Variants in CPNE4 observed in about 807,000 individuals in gnomAD.
The protein encoded by CPNE4 is copine-4.
Under a neutral mutation model 67.9 loss-of-function variants are expected in CPNE4, and 25 were observed. The observed-to-expected ratio is 0.37, with a 90% CI of 0.27 to 0.51. The LOEUF is 0.51. Ranked by LOEUF, CPNE4 falls within the 20% of genes least tolerant of loss-of-function variation. The pLI, the probability that CPNE4 is intolerant of heterozygous loss-of-function variation, is 0.93. For missense variants in CPNE4, 464 were observed against 690.8 expected (o/e 0.67, Z 3.68); for synonymous variants, 242 against 244.9 (o/e 0.99, Z 0.11).
intron 11 of CPNE4, among the ~76,000 whole-genome samples, chr3:131,557,780 AC>A (rs1444975172): frequency 6.6e-6 from 1 of 151,976 alleles, no homozygotes; most frequent in Non-Finnish European, 1.5e-5. Context: ...TCCTCCTTAA[AC>A]AAAACAAGCA....
intron 6 of CPNE4, among the ~76,000 whole-genome samples, chr3:131,671,159 G>C (rs576951689): frequency 8.6e-5 from 13 of 152,038 alleles, no homozygotes; most frequent in Non-Finnish European, 1.6e-4. Context: ...CTCTTCCACC[G>C]GATTCCTTAA....
intron 2 of CPNE4, among the ~76,000 whole-genome samples, chr3:131,841,466 C>A (rs568378530): frequency 1.3e-5 from 2 of 152,312 alleles, no homozygotes; most frequent in South Asian, 4.1e-4. Flanking sequence ...AAGCATTTAG[C>A]TCTGCCTCCT....
Position 131,908,838 on chromosome 3 carries a change from A to G in CPNE4, c.-1-3394T>C, listed in dbSNP as rs2088865477. Among the ~76,000 whole-genome samples the G allele has an allele frequency of 3.3e-5, 5 of 152,236 alleles. No homozygotes were observed. In the South Asian group the frequency reaches 1.0e-3, roughly 32 times the overall value. ...CTGACCATGTATCCTTGGGCAGGGT[A>G]TTTAACGTCTCAGATGGTAATATCT... On this transcript the variant is annotated intron_variant, in intron 1 of 15. Coordinates refer to ENST00000429747, the MANE Select transcript of CPNE4 (RefSeq NM_130808.3).
intron 1 of CPNE4, among the ~76,000 whole-genome samples, chr3:131,970,975 T>C (rs1227432059): frequency 6.6e-6 from 1 of 152,206 alleles, no homozygotes; most frequent in Non-Finnish European, 1.5e-5. Flanking sequence ...AGGCCAGGAA[T>C]TTGAGAAGGA....
chr3:131,657,438 A>G (rs544875949), intron 7 of CPNE4, among the ~76,000 whole-genome samples: 2 of 152,280 alleles, frequency 1.3e-5, no homozygotes, highest in South Asian at 2.1e-4. Flanking sequence ...ACTTTTTGAA[A>G]ATTATACATT....
Position 131,668,049 on chromosome 3 carries a change from G to T in CPNE4, c.681+1626C>A, listed in dbSNP as rs990887258. Among the ~76,000 whole-genome samples, 13 of 152,258 alleles carry T rather than the reference G, an allele frequency of 8.5e-5. No individual in the cohort carries two copies. The South Asian group carries it at 1.0e-3, about 12-fold the overall frequency. ...CAAATAGCCAGGAATCCTGATTTTG[G>T]CTTGAAGGTTTCCAGTGGGGTTGAG... On this transcript the variant is annotated intron_variant, in intron 7 of 15. Coordinates refer to ENST00000429747, the MANE Select transcript of CPNE4 (RefSeq NM_130808.3).
intron 1 of CPNE4, among the ~76,000 whole-genome samples, chr3:132,007,339 C>T (rs2073636469): frequency 6.6e-6 from 1 of 152,122 alleles, no homozygotes; most frequent in Admixed American, 6.5e-5. Flanking sequence ...ACTGTTTTCT[C>T]CTATTCTCCA....
At chr3:131,756,726 G>A (rs1475013396) in intron 2 of CPNE4, among the ~76,000 whole-genome samples, 1 of 152,180 alleles carries the variant, frequency 6.6e-6, no homozygotes, top group Non-Finnish European at 1.5e-5. Flanking sequence ...GAGGCCCGGG[G>A]TTGGTAGTTG....
At chr3:132,021,067 G>T (rs371329118) in intron 1 of CPNE4, among the ~76,000 whole-genome samples, 104 of 152,268 alleles carry the variant, frequency 6.8e-4, no homozygotes, top group African/African-American at 2.2e-3. Flanking sequence ...AAATAAATCT[G>T]ACTGATGGTG....
intron 2 of CPNE4, among the ~76,000 whole-genome samples, chr3:131,756,371 C>T (rs1005636099): frequency 3.9e-5 from 6 of 152,098 alleles, no homozygotes; most frequent in Non-Finnish European, 7.4e-5. Context: ...TCTACTATAC[C>T]CATATAGGAG....
chr3:131,928,083 G>C (rs1404120821), intron 1 of CPNE4, among the ~76,000 whole-genome samples: 1 of 152,178 alleles, frequency 6.6e-6, no homozygotes, highest in East Asian at 1.9e-4. Flanking sequence ...TATTTTCTAA[G>C]TTGTAAATAA....
chr3:131,578,019 G>A lies in CPNE4; in HGVS notation c.868-2889C>T, dbSNP rs181782700. 2.0e-4 allele frequency among the ~76,000 whole-genome samples: 31 copies of A among 152,090 alleles called. No homozygotes were observed. The East Asian group carries it at 5.8e-3, about 29-fold the overall frequency. On this transcript the variant is annotated intron_variant, in intron 9 of 15. Coordinates refer to ENST00000429747, the MANE Select transcript of CPNE4 (RefSeq NM_130808.3). The stretch of plus-strand genomic sequence containing the variant: ...ATAAGTTGAGTCATCGTAAATTGGG[G>A]ACCATCTGGGTGTGTGTATACACAC...
chr3:131,969,675 A>G lies in CPNE4; in HGVS notation c.-1-64231T>C, dbSNP rs2072452123. The stretch of plus-strand genomic sequence containing the variant: ...ACTTCAGAGCACAGGTCTAAGGGGC[A>G]GCAGGGTGCTTTATAGATTAAAGTG... On this transcript the variant is annotated intron_variant, in intron 1 of 15. Coordinates refer to ENST00000429747, the MANE Select transcript of CPNE4 (RefSeq NM_130808.3). Among the ~76,000 whole-genome samples, 6 of 152,216 alleles carry G rather than the reference A, an allele frequency of 3.9e-5. No individual in the cohort carries two copies. The South Asian group carries it at 1.2e-3, about 32-fold the overall frequency.
Position 131,905,258 on chromosome 3 carries a change from G to GCCTA in CPNE4, c.180+2_180+5dup, listed in dbSNP as rs1397202147. ...TGGTTCTGTCCATTTCATTGGACAT[G>GCCTA]CCTACCTCAAACCACTGCCCATGAG... On this transcript the variant is annotated splice_donor_region_variant and intron_variant, in intron 2 of 15. Transcript: ENST00000429747. 4 of 1,609,738 alleles carry GCCTA rather than the reference G, an allele frequency of 2.5e-6. No homozygotes were observed. The African/African-American group carries it at 5.3e-5, about 22-fold the overall frequency.
chr3:131,637,311 A>G (rs1353727263), intron 7 of CPNE4, among the ~76,000 whole-genome samples: 1 of 152,212 alleles, frequency 6.6e-6, no homozygotes, highest in Non-Finnish European at 1.5e-5. Flanking sequence ...ATATGAAAGG[A>G]AAATTCTTCA....
Position 131,905,326 on chromosome 3 carries a change from C to T in CPNE4, c.118G>A (p.Ala40Thr), listed in dbSNP as rs1057090136. 5.0e-6 allele frequency: 8 copies of T among 1,613,590 alleles called. No homozygotes were observed. In the East Asian group the frequency reaches 1.6e-4, roughly 31 times the overall value. ...ACACAGGGGTCTGGTTTGGAAAGGG[C>T]ATCTCTGTCAGAAATGCCTTTGCAC... is the stretch of plus-strand genomic sequence containing the variant. ...VACKGISDRD[A>T]LSKPDPCVIL... The change falls in exon 2 of 16, where the codon GCC becomes ACC. Residue 40 changes from alanine to threonine, a missense_variant. By Grantham distance (58) the Ala-to-Thr change is moderately conservative. Transcript: ENST00000429747.
intron 2 of CPNE4, among the ~76,000 whole-genome samples, chr3:131,896,610 T>C (rs2088349047): frequency 1.3e-5 from 2 of 152,116 alleles, no homozygotes; most frequent in Non-Finnish European, 2.9e-5. Flanking sequence ...ATCTGAGTTT[T>C]AATTGATCAC....
At chr3:131,885,663 G>A (rs905051335) in intron 2 of CPNE4, among the ~76,000 whole-genome samples, 4 of 151,916 alleles carry the variant, frequency 2.6e-5, no homozygotes, top group Non-Finnish European at 5.9e-5. Context: ...CTAGCATTAG[G>A]TATATCTCCC....
chr3:131,724,795 C>T (rs143144031), intron 2 of CPNE4, among the ~76,000 whole-genome samples: 5 of 152,230 alleles, frequency 3.3e-5, no homozygotes, highest in East Asian at 1.9e-4. Context: ...TGCCCATTCC[C>T]GTGTACAGAG....
Sources: allele counts gnomAD v4.1 joint callset (sites outside exome capture counted in the v4.1 genomes callset), GRCh38; gene constraint gnomAD v4.1.1; transcripts MANE v1.5; gene names NCBI Gene and HGNC (gene_info 2026-07-23, HGNC 2026-07-21).